Variants in SGCZ observed in about 807,000 individuals in gnomAD.
The protein encoded by SGCZ is sarcoglycan zeta.
SGCZ carries 40 observed loss-of-function variants against 41.3 expected under a neutral mutation model. That is an observed-to-expected ratio of 0.97 (90% CI 0.75 to 1.26). The LOEUF (loss-of-function observed/expected upper bound fraction) is 1.26. Among genes scored for constraint, SGCZ ranks in the 50% most tolerant of loss-of-function variants. The probability of loss-of-function intolerance (pLI) is 0.00; values close to 1 mark genes in which losing one functional copy is unlikely to be tolerated. For missense variants in SGCZ, 552 were observed against 369.8 expected, an observed-to-expected ratio of 1.49 and a Z score of -4.04; for synonymous variants, 206 against 137.5, an observed-to-expected ratio of 1.50 and a Z score of -3.49.
chr8:14,821,770 T>C (rs1440374338), intron 1 of SGCZ, among the ~76,000 whole-genome samples: 1 of 151,896 alleles, frequency 6.6e-6, no homozygotes, highest in African/African-American at 2.4e-5. Context: ...CAGCATCCCT[T>C]CATGAAAAAA....
intron 1 of SGCZ, among the ~76,000 whole-genome samples, chr8:14,880,354 G>A (rs1164070929): frequency 2.6e-5 from 4 of 152,174 alleles, no homozygotes; most frequent in Admixed American, 1.3e-4. Flanking sequence ...CACTGTTGGT[G>A]GGACTGTAAA....
In SGCZ at chr8:14,538,488, C is replaced by T. The variant is rs140421329; in HGVS notation, c.234+16244G>A. 3.4e-3 allele frequency among the ~76,000 whole-genome samples: 514 copies of T among 152,022 alleles called. 4 individuals are homozygous for T. Among genetic ancestry groups the T allele is most frequent in the African/African-American group, 0.012 (491 of 41,514 alleles). ...TTAACCCAACCTGTGGAAGTGAGGA[C>T]TGTGGCCCTCTTCTAGGGTTTCTGT... is the stretch of plus-strand genomic sequence containing the variant. On this transcript the variant is annotated intron_variant, in intron 2 of 7. Coordinates refer to ENST00000382080, the MANE Select transcript of SGCZ (RefSeq NM_139167.4).
At chr8:14,611,020 AT>A (rs1481234845) in intron 1 of SGCZ, among the ~76,000 whole-genome samples, 1 of 152,210 alleles carries the variant, frequency 6.6e-6, no homozygotes, top group African/African-American at 2.4e-5. Context: ...TTTTTTCATA[AT>A]TAAAAAAGCA....
At chr8:14,504,567 G>A (rs1251721580) in intron 2 of SGCZ, among the ~76,000 whole-genome samples, 1 of 151,974 alleles carries the variant, frequency 6.6e-6, no homozygotes, top group Non-Finnish European at 1.5e-5. Context: ...TCTTTCTTCT[G>A]CGTTATTGCC....
At chr8:14,635,665 TA>T (rs1806803912) in intron 1 of SGCZ, among the ~76,000 whole-genome samples, 1 of 151,710 alleles carries the variant, frequency 6.6e-6, no homozygotes, top group African/African-American at 2.4e-5. Flanking sequence ...AACATATTCA[TA>T]CTTAGTAAAG....
chr8:14,548,360 G>A (rs983996250), intron 2 of SGCZ, among the ~76,000 whole-genome samples: 1 of 152,118 alleles, frequency 6.6e-6, no homozygotes, highest in Admixed American at 6.6e-5. Context: ...TACTCCACGG[G>A]CAGGGAAGAC....
chr8:14,609,932 G>C (rs1336714196), intron 1 of SGCZ, among the ~76,000 whole-genome samples: 2 of 152,154 alleles, frequency 1.3e-5, no homozygotes, highest in Non-Finnish European at 2.9e-5. Flanking sequence ...TAATGAGTCA[G>C]TAAATAAGCT....
At chr8:14,958,213 A>C (rs920115790) in intron 1 of SGCZ, among the ~76,000 whole-genome samples, 8 of 151,846 alleles carry the variant, frequency 5.3e-5, no homozygotes, top group African/African-American at 1.9e-4. Flanking sequence ...TATTCTGATG[A>C]GTAAAAAAGG....
intron 1 of SGCZ, among the ~76,000 whole-genome samples, chr8:15,153,627 G>C (rs964932152): frequency 2.0e-5 from 3 of 152,080 alleles, no homozygotes; most frequent in Non-Finnish European, 4.4e-5. Flanking sequence ...CTCTCGCTCT[G>C]AGTTCTGGCC....
chr8:15,232,014 C>A (rs1448914005), intron 1 of SGCZ, among the ~76,000 whole-genome samples: 1 of 152,186 alleles, frequency 6.6e-6, no homozygotes, highest in Non-Finnish European at 1.5e-5. Flanking sequence ...GCACAATTCT[C>A]AACAAATAAA....
In SGCZ at chr8:14,953,394, C is replaced by T. The variant is rs1416427658; in HGVS notation, c.39+284191G>A. ...GGGAAATCTGCCCCCATGATTCAAT[C>T]GCCGTCCACTAGGTCCCTCCCCCAA... On this transcript the variant is annotated intron_variant, in intron 1 of 7. Transcript: ENST00000382080. Among the ~76,000 whole-genome samples, 8 of 152,262 alleles carry T rather than the reference C, an allele frequency of 5.3e-5. No homozygotes were observed. In the South Asian group the frequency reaches 1.7e-3, roughly 32 times the overall value.
intron 1 of SGCZ, among the ~76,000 whole-genome samples, chr8:14,956,427 C>T (rs1377327596): frequency 6.6e-6 from 1 of 152,066 alleles, no homozygotes; most frequent in Admixed American, 6.6e-5. Context: ...TTTAGTATAT[C>T]AGACATTTAT....
chr8:14,087,389 C>T lies in SGCZ; in HGVS notation c.*3054G>A, dbSNP rs377684682. ...TTTGCATCTTTCCTTTTGTGATCCCCCAAACCTGAATTCAGATACATCTCG... is the reference window on the plus strand; with the variant it reads ...TTTGCATCTTTCCTTTTGTGATCCCTCAAACCTGAATTCAGATACATCTCG... On this transcript the variant is annotated 3_prime_UTR_variant, in exon 8 of 8. Transcript: ENST00000382080. Among the ~76,000 whole-genome samples the T allele has an allele frequency of 6.6e-6, 1 of 151,396 alleles. No homozygotes were observed. Among genetic ancestry groups the T allele is most frequent in the Admixed American group, 6.6e-5 (1 of 15,156 alleles).
In SGCZ at chr8:14,968,954, A is replaced by G. The variant is rs141346360; in HGVS notation, c.39+268631T>C. Among the ~76,000 whole-genome samples the G allele has an allele frequency of 4.7e-3, 719 of 152,240 alleles. 4 individuals carry two copies. Among genetic ancestry groups the G allele is most frequent in the South Asian group, 0.019 (93 of 4,830 alleles). On this transcript the variant is annotated intron_variant, in intron 1 of 7. Coordinates refer to ENST00000382080, the MANE Select transcript of SGCZ (RefSeq NM_139167.4). ...CTGTGCAAACAAAAGATGGAATTGT[A>G]AAGTGTAAAAAAGCATTTTCTTTAC...
At chr8:14,135,895 A>C (rs1803182190) in intron 5 of SGCZ, among the ~76,000 whole-genome samples, 1 of 152,204 alleles carries the variant, frequency 6.6e-6, no homozygotes, top group African/African-American at 2.4e-5. Context: ...GAATTCTACA[A>C]AACGTTTATA....
chr8:15,066,882 G>C (rs894270057), intron 1 of SGCZ, among the ~76,000 whole-genome samples: 5 of 152,138 alleles, frequency 3.3e-5, no homozygotes, highest in Non-Finnish European at 7.4e-5. Flanking sequence ...TGTATCTAAA[G>C]TATGGCCTGA....
At chr8:14,162,080 C>G (rs1804064474) in intron 5 of SGCZ, among the ~76,000 whole-genome samples, 1 of 152,080 alleles carries the variant, frequency 6.6e-6, no homozygotes, top group Non-Finnish European at 1.5e-5. Flanking sequence ...AGCACTTAGT[C>G]CAAGCAACAT....
intron 1 of SGCZ, among the ~76,000 whole-genome samples, chr8:15,054,787 T>C (rs1585516607): frequency 6.6e-6 from 1 of 150,844 alleles, no homozygotes; most frequent in East Asian, 2.0e-4. Flanking sequence ...ACCCCGTCTC[T>C]ACTAAAAAAA....
chr8:14,582,187 A>C (rs1804912575), intron 1 of SGCZ, among the ~76,000 whole-genome samples: 1 of 152,138 alleles, frequency 6.6e-6, no homozygotes, highest in Non-Finnish European at 1.5e-5. Context: ...ATAACCTACA[A>C]AATATATGCT....
Sources: gnomAD v4.1 joint callset for allele counts (sites outside exome capture counted in the v4.1 genomes callset) on GRCh38, gnomAD v4.1.1 for gene constraint, MANE v1.5 for transcripts, NCBI Gene and HGNC (gene_info 2026-07-23, HGNC 2026-07-21) for gene names.